Variants in HOMER1 observed in about 807,000 individuals in gnomAD.
The protein encoded by HOMER1 is homer scaffold protein 1, also known as homer protein homolog 1.
In HOMER1, 3 loss-of-function variants were observed where a neutral mutation model predicts 48.9. That is an observed-to-expected ratio of 0.06 (90% CI 0.03 to 0.16). HOMER1 has a LOEUF of 0.16. Ranked by LOEUF, HOMER1 falls within the 10% of genes least tolerant of loss-of-function variation. HOMER1 has a pLI of 1.00. For missense variants in HOMER1, 247 were observed against 411.4 expected, an observed-to-expected ratio of 0.60 and a Z score of 3.46; for synonymous variants, 134 against 146.4, an observed-to-expected ratio of 0.92 and a Z score of 0.61.
chr5:79,438,242 A>C (rs1750647691), intron 5 of HOMER1, among the ~76,000 whole-genome samples: 1 of 152,216 alleles, frequency 6.6e-6, no homozygotes, highest in Non-Finnish European at 1.5e-5. Context: ...CCTAGTGAAA[A>C]GTTTCCAAAG....
intron 1 of HOMER1, among the ~76,000 whole-genome samples, chr5:79,502,449 A>G (rs1216714954): frequency 1.3e-5 from 2 of 152,210 alleles, no homozygotes; most frequent in Non-Finnish European, 2.9e-5. Context: ...TATGTTCATT[A>G]TAGAGAAACT....
intron 6 of HOMER1, among the ~76,000 whole-genome samples, chr5:79,399,726 A>G (rs1749484264): frequency 6.6e-6 from 1 of 152,192 alleles, no homozygotes; most frequent in South Asian, 2.1e-4. Flanking sequence ...GCAATGTCCA[A>G]TACAAAATTA....
At chr5:79,456,053 G>A (rs1224014836) in intron 2 of HOMER1, among the ~76,000 whole-genome samples, 1 of 151,656 alleles carries the variant, frequency 6.6e-6, no homozygotes, top group African/African-American at 2.4e-5. Context: ...TACTGGGGAG[G>A]CTGAGGCAAG....
At chr5:79,407,741 A>C (rs1749703554) in intron 5 of HOMER1, among the ~76,000 whole-genome samples, 1 of 152,240 alleles carries the variant, frequency 6.6e-6, no homozygotes, top group African/African-American at 2.4e-5. Flanking sequence ...AGAAGAGAGA[A>C]GGGCAGAGGA....
chr5:79,446,281 C>T (rs1339765138), intron 4 of HOMER1, among the ~76,000 whole-genome samples: 1 of 152,186 alleles, frequency 6.6e-6, no homozygotes, highest in African/African-American at 2.4e-5. Flanking sequence ...TTATTCAACC[C>T]AGCCAATCCT....
intron 8 of HOMER1, among the ~76,000 whole-genome samples, chr5:79,379,351 AT>A (rs1188953911): frequency 1.2e-4 from 14 of 112,266 alleles, no homozygotes; most frequent in East Asian, 2.1e-4. Context: ...TATTTTATAT[AT>A]TATATAAATA....
At chr5:79,379,847 A>C (rs375209926) in intron 8 of HOMER1, among the ~76,000 whole-genome samples, 1 of 152,124 alleles carries the variant, frequency 6.6e-6, no homozygotes, top group East Asian at 1.9e-4. Flanking sequence ...CACCAGGGGC[A>C]ACTAGAGAGA....
At chr5:79,463,499 T>C (rs565939602) in intron 1 of HOMER1, among the ~76,000 whole-genome samples, 1 of 152,332 alleles carries the variant, frequency 6.6e-6, no homozygotes, top group South Asian at 2.1e-4. Flanking sequence ...TCCTTGATGA[T>C]GTCACTGGAC....
intron 5 of HOMER1, among the ~76,000 whole-genome samples, chr5:79,435,413 CACAT>C (rs1750547842): frequency 6.6e-6 from 1 of 152,088 alleles, no homozygotes. Context: ...TTATTTTTAG[CACAT>C]AGACATTCTA....
chr5:79,401,416 C>T (rs527318242), intron 6 of HOMER1, among the ~76,000 whole-genome samples: 3 of 152,202 alleles, frequency 2.0e-5, no homozygotes, highest in South Asian at 2.1e-4. Flanking sequence ...AGATAATAAC[C>T]GGCAGAACTG....
At chr5:79,450,365 A>G (rs1409175434) in intron 3 of HOMER1, among the ~76,000 whole-genome samples, 2 of 152,186 alleles carry the variant, frequency 1.3e-5, no homozygotes, top group Non-Finnish European at 2.9e-5. Context: ...TGGTATAAAC[A>G]TTACATGGCT....
chr5:79,449,928 GAAAAT>G (rs1473451297), intron 3 of HOMER1, among the ~76,000 whole-genome samples: 6 of 151,944 alleles, frequency 3.9e-5, no homozygotes, highest in Non-Finnish European at 8.8e-5. Context: ...ATAATTAGAA[GAAAAT>G]AAAATAGATT....
intron 5 of HOMER1, among the ~76,000 whole-genome samples, chr5:79,417,844 G>C (rs776864666): frequency 6.6e-6 from 1 of 152,042 alleles, no homozygotes; most frequent in African/African-American, 2.4e-5. Context: ...TAATTTAAAC[G>C]ATAAAAATCT....
At chr5:79,417,437 C>G (rs1436370887) in intron 5 of HOMER1, among the ~76,000 whole-genome samples, 1 of 152,184 alleles carries the variant, frequency 6.6e-6, no homozygotes, top group Non-Finnish European at 1.5e-5. Flanking sequence ...CCACCGCACC[C>G]GGCCGATTTC....
chr5:79,439,989 A>AT (rs1750697317), intron 4 of HOMER1, among the ~76,000 whole-genome samples: 1 of 152,188 alleles, frequency 6.6e-6, no homozygotes, highest in Admixed American at 6.5e-5. Context: ...GGGAGGTGCT[A>AT]AAACCAGACT....
At chr5:79,422,225 T>C (rs1035671324) in intron 5 of HOMER1, among the ~76,000 whole-genome samples, 2 of 148,270 alleles carry the variant, frequency 1.3e-5, no homozygotes, top group Admixed American at 1.3e-4. Flanking sequence ...AGGCTCCATC[T>C]CAAAAAAATT....
chr5:79,490,780 AC>A lies in HOMER1; in HGVS notation c.5+21989del, dbSNP rs373487397. ...GACCCCATCTCTACCAAAAAAAAAA[AC>A]AAAAAAAAAAACCATAAAAAAATTA... On this transcript the variant is annotated intron_variant, in intron 1 of 8. Transcript: ENST00000334082. Among the ~76,000 whole-genome samples the A allele has an allele frequency of 3.2e-4, 47 of 146,062 alleles. 1 individual carries two copies. Among genetic ancestry groups the A allele is most frequent in the African/African-American group, 7.6e-4 (30 of 39,362 alleles).
At chr5:79,385,998 C>T (rs1322562881) in intron 8 of HOMER1, among the ~76,000 whole-genome samples, 1 of 151,778 alleles carries the variant, frequency 6.6e-6, no homozygotes, top group Non-Finnish European at 1.5e-5. Flanking sequence ...GCGAAAAGGG[C>T]ACTCTTTTAC....
chr5:79,441,295 G>C (rs1048189346), intron 4 of HOMER1, among the ~76,000 whole-genome samples: 32 of 152,190 alleles, frequency 2.1e-4, no homozygotes, highest in Admixed American at 6.5e-4. Flanking sequence ...TCAAAAGAGA[G>C]AGAGGAAGAG....
Sources: gnomAD v4.1 joint callset for allele counts (sites outside exome capture counted in the v4.1 genomes callset) on GRCh38, gnomAD v4.1.1 for gene constraint, MANE v1.5 for transcripts, NCBI Gene and HGNC (gene_info 2026-07-23, HGNC 2026-07-21) for gene names.